IL1RAPL1: variants seen among roughly 807,000 people sequenced by gnomAD.
IL1RAPL1 encodes the protein interleukin-1 receptor accessory protein-like 1.
IL1RAPL1 carries 3 observed loss-of-function variants against 48.4 expected under a neutral mutation model. That is an observed-to-expected ratio of 0.06 (90% CI 0.03 to 0.16). The LOEUF is 0.16. Among genes scored for constraint, IL1RAPL1 ranks in the 10% least tolerant of loss-of-function variants. IL1RAPL1 has a pLI of 1.00. For missense variants in IL1RAPL1, 349 were observed against 530.6 expected, an observed-to-expected ratio of 0.66 and a Z score of 3.36; for synonymous variants, 185 against 187.7, an observed-to-expected ratio of 0.99 and a Z score of 0.12.
intron 6 of IL1RAPL1, among the ~76,000 whole-genome samples, chrX:29,891,443 C>T (rs1932274757): frequency 9.0e-6 from 1 of 111,502 alleles, no homozygotes; most frequent in Non-Finnish European, 1.9e-5. Context: ...TTAGTCCAAA[C>T]TTGGAGACAT....
intron 1 of IL1RAPL1, among the ~76,000 whole-genome samples, chrX:28,775,276 A>C (rs778285061): frequency 1.9e-3 from 217 of 112,254 alleles, no homozygotes; most frequent in African/African-American, 6.7e-3. Context: ...TAGCAAGGCC[A>C]TGCTCTCGCA....
intron 2 of IL1RAPL1, among the ~76,000 whole-genome samples, chrX:29,082,817 G>A (rs1306973289): frequency 4.5e-5 from 5 of 111,974 alleles, no homozygotes; most frequent in African/African-American, 1.3e-4. Context: ...ATGTTCTCAC[G>A]ATGATGTTTC....
At chrX:29,195,662 C>T (rs766737269) in intron 2 of IL1RAPL1, among the ~76,000 whole-genome samples, 1 of 105,393 alleles carries the variant, frequency 9.5e-6, no homozygotes, top group Admixed American at 1.0e-4. Flanking sequence ...CGGGTTCAAG[C>T]GATTCTCCTC....
At chrX:29,007,121 C>G (rs966855401) in intron 2 of IL1RAPL1, among the ~76,000 whole-genome samples, 2 of 111,509 alleles carry the variant, frequency 1.8e-5, no homozygotes, top group African/African-American at 6.5e-5. Flanking sequence ...TTAATGCAGT[C>G]AGGATTACAG....
At chrX:29,473,579 T>G (rs2147741193) in intron 5 of IL1RAPL1, among the ~76,000 whole-genome samples, 1 of 106,663 alleles carries the variant, frequency 9.4e-6, no homozygotes, top group Admixed American at 1.0e-4. Context: ...CTTAATTCCA[T>G]CTCACTGCCC....
intron 2 of IL1RAPL1, among the ~76,000 whole-genome samples, chrX:28,875,179 A>T (rs915917087): frequency 8.9e-6 from 1 of 112,403 alleles, no homozygotes; most frequent in Non-Finnish European, 1.9e-5. Flanking sequence ...TAGAAAGAGC[A>T]CATTGGCTTT....
intron 5 of IL1RAPL1, among the ~76,000 whole-genome samples, chrX:29,582,424 G>T: frequency 1.2e-5 from 1 of 86,724 alleles, no homozygotes; most frequent in African/African-American, 4.6e-5. Context: ...TTAAGTTTTA[G>T]GGTACATGTG....
At chrX:29,316,013 G>A (rs1160089708) in intron 3 of IL1RAPL1, among the ~76,000 whole-genome samples, 2 of 112,064 alleles carry the variant, frequency 1.8e-5, no homozygotes, top group Non-Finnish European at 3.8e-5. Context: ...TAATTTGAAA[G>A]TGTTGACTAT....
intron 3 of IL1RAPL1, among the ~76,000 whole-genome samples, chrX:29,287,253 G>T (rs1408364344): frequency 8.9e-6 from 1 of 111,915 alleles, no homozygotes; most frequent in Non-Finnish European, 1.9e-5. Context: ...CCAAGTTGTT[G>T]TACATATCCA....
chrX:29,027,544 G>A (rs771431263), intron 2 of IL1RAPL1, among the ~76,000 whole-genome samples: 2 of 111,879 alleles, frequency 1.8e-5, no homozygotes, highest in East Asian at 5.6e-4. Context: ...GCTCCTTCGG[G>A]TAAAAACCAA....
At chrX:29,914,105 T>A (rs1015727386) in intron 6 of IL1RAPL1, among the ~76,000 whole-genome samples, 1 of 111,220 alleles carries the variant, frequency 9.0e-6, no homozygotes, top group African/African-American at 3.3e-5. Flanking sequence ...GGTGTCCCCA[T>A]AGCACTGTAG....
chrX:29,019,860 C>T (rs1926324192), intron 2 of IL1RAPL1, among the ~76,000 whole-genome samples: 1 of 112,271 alleles, frequency 8.9e-6, no homozygotes, highest in South Asian at 3.7e-4. Context: ...ATGTACAAGA[C>T]TGTAGTTCAA....
At chrX:28,816,900 C>T (rs181271327) in intron 2 of IL1RAPL1, among the ~76,000 whole-genome samples, 168 of 110,341 alleles carry the variant, frequency 1.5e-3, no homozygotes, top group African/African-American at 5.4e-3. Context: ...AGTCTTGCCA[C>T]CATCCATTGT....
At chrX:29,068,168 A>G (rs1260344803) in intron 2 of IL1RAPL1, among the ~76,000 whole-genome samples, 3 of 112,575 alleles carry the variant, frequency 2.7e-5, no homozygotes, top group Non-Finnish European at 5.6e-5. Context: ...ATGTCTTTAT[A>G]TCTTTCACTC....
intron 3 of IL1RAPL1, among the ~76,000 whole-genome samples, chrX:29,392,799 C>T (rs1933869838): frequency 1.8e-5 from 2 of 112,253 alleles, no homozygotes; most frequent in South Asian, 3.7e-4. Flanking sequence ...ATTCAACCCA[C>T]TCATATATTT....
intron 6 of IL1RAPL1, among the ~76,000 whole-genome samples, chrX:29,782,104 A>G (rs186018201): frequency 2.5e-4 from 25 of 99,123 alleles, no homozygotes; most frequent in African/African-American, 6.1e-4. Context: ...CTGTCTGTCT[A>G]TCTATCTATC....
chrX:28,782,500 C>T (rs1203438134), intron 1 of IL1RAPL1, among the ~76,000 whole-genome samples: 1 of 111,580 alleles, frequency 9.0e-6, no homozygotes, highest in Non-Finnish European at 1.9e-5. Flanking sequence ...ACAGTCACTG[C>T]CTAGGAATTC....
chrX:29,061,647 CAG>C (rs1002540436), intron 2 of IL1RAPL1, among the ~76,000 whole-genome samples: 3 of 111,690 alleles, frequency 2.7e-5, no homozygotes, highest in African/African-American at 9.8e-5. Context: ...TTAGTGGAGA[CAG>C]GGTTTCACCA....
At chrX:29,799,963 G>T (rs764955337) in intron 6 of IL1RAPL1, among the ~76,000 whole-genome samples, 2 of 111,704 alleles carry the variant, frequency 1.8e-5, no homozygotes, top group African/African-American at 3.3e-5. Flanking sequence ...TGGAAATGTT[G>T]TACATCTCAG....
Sources: allele counts gnomAD v4.1 joint callset (sites outside exome capture counted in the v4.1 genomes callset), GRCh38; gene constraint gnomAD v4.1.1; transcripts MANE v1.5; gene names NCBI Gene and HGNC (gene_info 2026-07-23, HGNC 2026-07-21).